Variants in RAD1 observed in about 807,000 individuals in gnomAD.
RAD1 encodes RAD1 checkpoint DNA exonuclease.
A neutral mutation model predicts 30.0 loss-of-function variants in RAD1; 21 were observed. The ratio of observed to expected loss-of-function variants is 0.70; its 90% CI spans 0.50 to 1.01. RAD1 has a LOEUF of 1.01. Among genes scored for constraint, RAD1 ranks in the 50% least tolerant of loss-of-function variants. The pLI is 0.00. For synonymous variants in RAD1, 109 were observed against 113.6 expected, an observed-to-expected ratio of 0.96 and a Z score of 0.26; for missense variants, 329 against 329.0, an observed-to-expected ratio of 1.00 and a Z score of 0.00.
Position 34,913,488 on chromosome 5 carries a change from C to A in RAD1, c.289G>T (p.Gly97Ter). 1.3e-6 allele frequency: 2 copies of A among 1,583,658 alleles called. No homozygotes were observed. The highest frequency in any genetic ancestry group is 8.6e-7 in the Non-Finnish European group (1 of 1,160,682). ...TVLLDCLSIF[G>*]SSPMPGTLTA... ...AGTTTACCTGGCATAGGACTTGATC[C>A]AAAAATAGATAAACAGTCTAAAAGG... The change falls in exon 3 of 6, where the codon GGA (glycine) becomes TGA (stop). Residue 97 changes from glycine (G) to a stop codon, truncating the protein, a stop_gained. Transcript: ENST00000382038. LOFTEE classifies it high-confidence loss of function.
chr5:34,914,351 T>C (rs865842950), intron 2 of RAD1: 4 of 308,416 alleles, frequency 1.3e-5, no homozygotes, highest in South Asian at 3.2e-5. Context: ...ACGGGAATAA[T>C]AACAGAACCT....
At chr5:34,915,265 C>A (rs1214828168) in intron 1 of RAD1, 151 bp downstream of exon 1, 2 of 285,452 alleles carry the variant, frequency 7.0e-6, no homozygotes, top group Non-Finnish European at 1.3e-5. Context: ...GCCCGCGCCA[C>A]CAGCCCCGCC....
intron 2 of RAD1, 71 bp downstream of exon 2, chr5:34,914,624 A>T: frequency 6.7e-7 from 1 of 1,492,630 alleles, no homozygotes; most frequent in Non-Finnish European, 9.3e-7. Context: ...TTGTCTACTG[A>T]AACCTTCCGA....
At position 34,908,414 on chromosome 5, in the gene RAD1, A is replaced by G. The variant is rs1763720649; in HGVS notation, c.*351T>C. On this transcript the variant is annotated 3_prime_UTR_variant, in exon 6 of 6. Coordinates refer to ENST00000382038, the MANE Select transcript of RAD1 (RefSeq NM_002853.4). ...GGTCTCGAACTCCTGACCTCAGGTG[A>G]TCCGCCCACCTCGGCTTCCCAAAGT... 2 of 158,824 alleles carry G rather than the reference A, an allele frequency of 1.3e-5. No homozygotes were observed. The highest frequency in any genetic ancestry group is 3.6e-4 in the East Asian group (2 of 5,564). 9.8% of individuals were successfully genotyped at this position (158,824 alleles called of 1,614,324 possible).
At position 34,908,955 on chromosome 5, in the gene RAD1, A is replaced by T; in HGVS notation, c.666-7T>A. Reference sequence around the variant, plus strand: ...CAGTAAGGAAATCTTGTATCTGTAGAAGAAAAAATAAAACGCTGTTATATC... The same window carrying T: ...CAGTAAGGAAATCTTGTATCTGTAGTAGAAAAAATAAAACGCTGTTATATC... On this transcript the variant is annotated splice_polypyrimidine_tract_variant and splice_region_variant and intron_variant, in intron 5 of 5. Transcript: ENST00000382038. 6.3e-7 allele frequency: 1 copy of T among 1,596,632 alleles called. No individual in the cohort carries two copies. Among genetic ancestry groups the T allele is most frequent in the Non-Finnish European group, 8.5e-7 (1 of 1,173,862 alleles).
intron 3 of RAD1, among the ~76,000 whole-genome samples, chr5:34,912,158 G>A (rs1763865829): frequency 6.6e-6 from 1 of 152,230 alleles, no homozygotes; most frequent in African/African-American, 2.4e-5. Flanking sequence ...AATTGCTGCA[G>A]AACAGGGTAT....
intron 5 of RAD1, 87 bp from the exon 6 acceptor site, chr5:34,909,035 TAAG>T (rs1763750099): frequency 7.9e-7 from 1 of 1,264,988 alleles, no homozygotes. Context: ...GTAGCAAATC[TAAG>T]AATAAAATCA....
rs763454335 is a variant in RAD1 at position 34,914,921 on chromosome 5, T to C, written c.-29A>G. ...CCACTGCGCATTCGGCCCCGAGGGA[T>C]GCTCCTGGGGCCAACAACTTCTCGG... is the stretch of plus-strand genomic sequence containing the variant. On this transcript the variant is annotated 5_prime_UTR_variant, in exon 2 of 6. Transcript: ENST00000382038. The C allele has an allele frequency of 5.6e-6, 9 of 1,612,018 alleles. No individual in the cohort carries two copies. The highest frequency in any genetic ancestry group is 1.7e-5 in the Admixed American group (1 of 59,984).
In RAD1 at chr5:34,909,272, C is replaced by A; in HGVS notation, c.651G>T (p.Gln217His). Residue 217 changes from glutamine to histidine, a missense_variant, in exon 5 of 6, where the codon CAG becomes CAT. Physicochemically the swap from Gln to His is conservative, Grantham distance 24. Transcript: ENST00000382038. ...TAAGAACTGACCTGTTGACTTGGGTCTGATTACAATGAAATGCTTCCATCA... is the reference window on the plus strand; with the variant it reads ...TAAGAACTGACCTGTTGACTTGGGTATGATTACAATGAAATGCTTCCATCA... ...SDLMEAFHCN[Q>H]TQVNRYKISL... is the part of the protein sequence containing the mutation. 6.2e-7 allele frequency: 1 copy of A among 1,608,156 alleles called. No individual in the cohort carries two copies. The highest frequency in any genetic ancestry group is 1.1e-5 in the South Asian group (1 of 90,720).
At chr5:34,913,856 A>T in intron 2 of RAD1, 1 of 480,996 alleles carries the variant, frequency 2.1e-6, no homozygotes, top group Admixed American at 2.5e-5. Flanking sequence ...ATGACTTGAT[A>T]ATGCATGAGC....
chr5:34,911,359 A>C (rs574647241), intron 4 of RAD1, among the ~76,000 whole-genome samples, 195 bp downstream of exon 4: 1 of 152,336 alleles, frequency 6.6e-6, no homozygotes, highest in African/African-American at 2.4e-5. Context: ...CACCACCTAA[A>C]TATGAAATAG....
intron 4 of RAD1, 86 bp downstream of exon 4, chr5:34,911,468 A>C: frequency 6.8e-7 from 1 of 1,479,414 alleles, no homozygotes; most frequent in East Asian, 2.3e-5. Context: ...AATGTGGATA[A>C]TAAAAATTTT....
Position 34,909,255 on chromosome 5 carries a change from G to T in RAD1, c.665+3C>A. 1 of 1,588,740 alleles carries T rather than the reference G, an allele frequency of 6.3e-7. No homozygotes were observed. Among genetic ancestry groups the T allele is most frequent in the South Asian group, 1.1e-5 (1 of 89,850 alleles). On this transcript the variant is annotated splice_donor_region_variant and intron_variant, in intron 5 of 5. Coordinates refer to ENST00000382038, the MANE Select transcript of RAD1 (RefSeq NM_002853.4). Reference sequence around the variant, plus strand: ...AATGACAACCTCTATATTAAGAACTGACCTGTTGACTTGGGTCTGATTACA... The same window carrying T: ...AATGACAACCTCTATATTAAGAACTTACCTGTTGACTTGGGTCTGATTACA...
chr5:34,912,659 A>G (rs188467945), intron 3 of RAD1, among the ~76,000 whole-genome samples: 60 of 152,278 alleles, frequency 3.9e-4, no homozygotes, highest in Admixed American at 9.2e-4. Context: ...CAATTTCACC[A>G]TTCTTAAAAA....
In RAD1 at chr5:34,907,689, T is replaced by C. The variant is rs1297497657; in HGVS notation, c.*1076A>G. On this transcript the variant is annotated 3_prime_UTR_variant, in exon 6 of 6. Coordinates refer to ENST00000382038, the MANE Select transcript of RAD1 (RefSeq NM_002853.4). ...TGCAGTTACTTACAGCAAACAGTTT[T>C]GAGAAGAAGAAGAAAACCTGTAACA... The C allele has an allele frequency of 6.6e-6, 1 of 152,194 alleles. No homozygotes were observed. Among genetic ancestry groups the C allele is most frequent in the African/African-American group, 2.4e-5 (1 of 41,440 alleles). 9.4% of individuals were successfully genotyped at this position (152,194 alleles called of 1,614,324 possible).
chr5:34,909,897 G>A (rs865910068), intron 4 of RAD1, among the ~76,000 whole-genome samples: 6 of 152,186 alleles, frequency 3.9e-5, no homozygotes, highest in Admixed American at 2.0e-4. Context: ...GGATTAGCAC[G>A]TTGCTAAGTA....
At chr5:34,915,380 T>C in intron 1 of RAD1, 36 bp downstream of exon 1, 1 of 242,532 alleles carries the variant, frequency 4.1e-6, no homozygotes, top group South Asian at 7.1e-5. Context: ...CAGCATCGCT[T>C]ACTAGTCTCG....
At chr5:34,915,028 AG>A in intron 1 of RAD1, 67 bp from the exon 2 acceptor site, 6 of 865,906 alleles carry the variant, frequency 6.9e-6, no homozygotes, top group Non-Finnish European at 1.1e-5. Flanking sequence ...ACCTGCGCTG[AG>A]AGGTGGAAAG....
intron 3 of RAD1, among the ~76,000 whole-genome samples, chr5:34,913,039 CTT>C (rs1763901043): frequency 6.6e-6 from 1 of 152,096 alleles, no homozygotes; most frequent in Admixed American, 6.6e-5. Context: ...ATAGACATAA[CTT>C]ATAAAATATG....
Sources: gnomAD v4.1 joint callset for allele counts (sites outside exome capture counted in the v4.1 genomes callset) on GRCh38, gnomAD v4.1.1 for gene constraint, MANE v1.5 for transcripts, NCBI Gene and HGNC (gene_info 2026-07-23, HGNC 2026-07-21) for gene names.